The following NIPBL variants were observed in gnomAD, a reference collection of about 807,000 sequenced individuals.
NIPBL encodes NIPBL cohesin loading factor.
NIPBL carries 19 observed loss-of-function variants against 321.8 expected under a neutral mutation model. That is an observed-to-expected ratio of 0.06 (90% confidence interval 0.04 to 0.09). The LOEUF (loss-of-function observed/expected upper bound fraction) is 0.09. Among genes scored for constraint, NIPBL ranks in the 10% least tolerant of loss-of-function variants. NIPBL has a pLI of 1.00. For missense variants in NIPBL, 2,210 were observed against 3,327.0 expected (o/e 0.66, Z 8.26); for synonymous variants, 1,106 against 1,114.1 (o/e 0.99, Z 0.14).
rs554769968 is a variant in NIPBL, at chr5:37,038,845, C to A, written c.6108+107C>A. On this transcript the variant is annotated intron_variant, in intron 34 of 46. Coordinates refer to ENST00000282516, the MANE Select transcript of NIPBL (RefSeq NM_133433.4). ...ATTCTCACTGACAGATCAACTGTGT[C>A]ATTTACTTAGATATATGTACTATTT... The A allele has an allele frequency of 1.8e-4, 206 of 1,120,212 alleles. 1 individual carries two copies. Among genetic ancestry groups the A allele is most frequent in the South Asian group, 3.3e-4 (24 of 72,792 alleles). 69.4% of individuals were successfully genotyped at this position (1,120,212 alleles called of 1,614,324 possible). A position where few individuals can be genotyped will look rare whatever the true frequency, so the allele number is the denominator to read the frequency against.
chr5:36,972,185 C>G (rs1456002695), intron 8 of NIPBL, 144 bp downstream of exon 8: 1 of 631,962 alleles, frequency 1.6e-6, no homozygotes, highest in Non-Finnish European at 2.8e-6. Context: ...ACAAGCAGGT[C>G]TGGATCATGG....
chr5:37,051,613 A>G, intron 40 of NIPBL, 166 bp from the exon 41 acceptor site: 1 of 618,088 alleles, frequency 1.6e-6, no homozygotes, highest in Non-Finnish European at 2.9e-6. Flanking sequence ...TTTAAGCTGA[A>G]TCTCAAAAGA....
chr5:37,060,674 T>G (rs1266455631), intron 44 of NIPBL, among the ~76,000 whole-genome samples, 170 bp from the exon 45 acceptor site: 1 of 152,032 alleles, frequency 6.6e-6, no homozygotes, highest in African/African-American at 2.4e-5. Context: ...GGTAAACCAG[T>G]TAGGTGGTAT....
intron 4 of NIPBL, among the ~76,000 whole-genome samples, chr5:36,960,917 A>G (rs77492863): frequency 0.12 from 18,665 of 152,166 alleles, 1,238 homozygotes; most frequent in Admixed American, 0.19. Flanking sequence ...CTATGTGACA[A>G]AGAGTTATTG....
At chr5:36,922,564 C>T (rs1354904190) in intron 1 of NIPBL, among the ~76,000 whole-genome samples, 4 of 152,152 alleles carry the variant, frequency 2.6e-5, no homozygotes, top group African/African-American at 9.6e-5. Context: ...ATACTTATTT[C>T]TCTGGAATCA....
intron 1 of NIPBL, among the ~76,000 whole-genome samples, chr5:36,933,768 C>G (rs896970765): frequency 6.6e-6 from 1 of 152,030 alleles, no homozygotes; most frequent in Non-Finnish European, 1.5e-5. Context: ...CCTTCATCAA[C>G]TATACCATAT....
chr5:36,952,713 G>A (rs1740531420), intron 1 of NIPBL, among the ~76,000 whole-genome samples: 2 of 152,094 alleles, frequency 1.3e-5, no homozygotes, highest in South Asian at 2.1e-4. Context: ...ATTTGTATGG[G>A]GAACATTAAA....
intron 46 of NIPBL, 184 bp from the exon 47 acceptor site, chr5:37,064,343 G>T (rs1404371264): frequency 1.0e-6 from 1 of 984,966 alleles, no homozygotes; most frequent in Non-Finnish European, 1.2e-6. Flanking sequence ...GAGTTATATG[G>T]TTTTACAAGT....
chr5:36,938,874 G>A (rs192174317), intron 1 of NIPBL, among the ~76,000 whole-genome samples: 24 of 152,236 alleles, frequency 1.6e-4, no homozygotes, highest in Non-Finnish European at 3.1e-4. Context: ...TGTTGTGTGC[G>A]TGTACAGCAG....
chr5:36,978,132 TTA>T (rs1743714254), intron 9 of NIPBL, among the ~76,000 whole-genome samples: 1 of 152,066 alleles, frequency 6.6e-6, no homozygotes, highest in African/African-American at 2.4e-5. Flanking sequence ...AGTAGTGGGA[TTA>T]CTAGGTCAAA....
At chr5:36,973,257 C>G (rs1243319875) in intron 8 of NIPBL, among the ~76,000 whole-genome samples, 1 of 151,088 alleles carries the variant, frequency 6.6e-6, no homozygotes, top group East Asian at 1.9e-4. Flanking sequence ...TACCTCGTAT[C>G]TGCTTCATAT....
rs774809142 is a variant in NIPBL at position 37,058,875 on chromosome 5, C to T, written c.7411-16C>T. On this transcript the variant is annotated splice_polypyrimidine_tract_variant and intron_variant, in intron 43 of 46. Coordinates refer to ENST00000282516, the MANE Select transcript of NIPBL (RefSeq NM_133433.4). ...CATTTTGTTTTTATTGTTTATCAAA[C>T]GATTTTTTCTTTCAGTCTATGGTAA... is the stretch of plus-strand genomic sequence containing the variant. 3.2e-5 allele frequency: 52 copies of T among 1,612,358 alleles called. No homozygotes were observed. The highest frequency in any genetic ancestry group is 6.6e-5 in the South Asian group (6 of 90,912).
intron 1 of NIPBL, among the ~76,000 whole-genome samples, chr5:36,937,240 G>C (rs1738532821): frequency 6.6e-6 from 1 of 152,140 alleles, no homozygotes. Context: ...TTTTGGGTAA[G>C]CTTCTTAAAC....
rs916454838 is a variant in NIPBL, at chr5:36,877,108, C to T, written c.-150C>T. The T allele has an allele frequency of 1.1e-5, 4 of 350,426 alleles. No homozygotes were observed. The highest frequency in any genetic ancestry group is 1.5e-4 in the South Asian group (1 of 6,686). 21.7% of individuals were successfully genotyped at this position (350,426 alleles called of 1,614,324 possible). Reference sequence around the variant, plus strand: ...AGAGGAGCCGTAGCCACCCCCCCTCCCGGCCCGGATTATAGTCTCTCGCCA... The same window carrying T: ...AGAGGAGCCGTAGCCACCCCCCCTCTCGGCCCGGATTATAGTCTCTCGCCA... On this transcript the variant is annotated 5_prime_UTR_variant, in exon 1 of 47. Transcript: ENST00000282516.
At position 36,927,943 on chromosome 5, in the gene NIPBL, C is replaced by G. The variant is rs554778693; in HGVS notation, c.-79-25675C>G. ...TCAGGTGATCCACCTGCCTCAGCCTCCCGAAGTAGATTACAGCCATGAGCC... is the reference window on the plus strand; with the variant it reads ...TCAGGTGATCCACCTGCCTCAGCCTGCCGAAGTAGATTACAGCCATGAGCC... On this transcript the variant is annotated intron_variant, in intron 1 of 46. Coordinates refer to ENST00000282516, the MANE Select transcript of NIPBL (RefSeq NM_133433.4). Among the ~76,000 whole-genome samples the G allele has an allele frequency of 1.1e-4, 16 of 152,018 alleles. No individual in the cohort carries two copies. The East Asian group carries it at 3.1e-3, about 29-fold the overall frequency.
chr5:36,991,294 T>C (rs1745483674), intron 10 of NIPBL, among the ~76,000 whole-genome samples: 1 of 152,114 alleles, frequency 6.6e-6, no homozygotes, highest in Non-Finnish European at 1.5e-5. Flanking sequence ...CCTCCTACTT[T>C]ATACAGTTAT....
At chr5:37,014,496 T>C (rs1436823554) in intron 21 of NIPBL, among the ~76,000 whole-genome samples, 187 bp from the exon 22 acceptor site, 1 of 152,172 alleles carries the variant, frequency 6.6e-6, no homozygotes. Flanking sequence ...GTATTTTTAT[T>C]TGTTTCTATA....
At chr5:36,888,039 TC>T (rs1380953119) in intron 1 of NIPBL, among the ~76,000 whole-genome samples, 3 of 152,204 alleles carry the variant, frequency 2.0e-5, no homozygotes, top group African/African-American at 4.8e-5. Flanking sequence ...TTGTAACACT[TC>T]CCTGAATTAT....
intron 3 of NIPBL, among the ~76,000 whole-genome samples, chr5:36,956,429 A>C (rs1336470796): frequency 6.6e-6 from 1 of 152,004 alleles, no homozygotes; most frequent in Non-Finnish European, 1.5e-5. Flanking sequence ...ATTATAATGG[A>C]GAGATATCTA....
Sources: allele counts gnomAD v4.1 joint callset (sites outside exome capture counted in the v4.1 genomes callset), GRCh38; gene constraint gnomAD v4.1.1; transcripts MANE v1.5; gene names NCBI Gene and HGNC (gene_info 2026-07-23, HGNC 2026-07-21).